Variants in SNX6 observed in about 807,000 individuals in gnomAD.
The protein encoded by SNX6 is sorting nexin-6.
A neutral mutation model predicts 63.0 loss-of-function variants in SNX6; 34 were observed. The ratio of observed to expected loss-of-function variants is 0.54; its 90% CI spans 0.41 to 0.72. SNX6 has a LOEUF of 0.72. Ranked by LOEUF, SNX6 falls within the 30% of genes least tolerant of loss-of-function variation. The pLI is 0.00. For synonymous variants in SNX6, 170 were observed against 164.2 expected (o/e 1.04, Z -0.27); for missense variants, 398 against 471.4 (o/e 0.84, Z 1.44).
intron 8 of SNX6, among the ~76,000 whole-genome samples, chr14:34,591,983 C>T (rs965940998): frequency 1.3e-5 from 2 of 152,144 alleles, no homozygotes; most frequent in Non-Finnish European, 2.9e-5. Context: ...TTTATGCATA[C>T]CTCCTATTTC....
At chr14:34,609,480 CA>C (rs398024759) in intron 3 of SNX6, among the ~76,000 whole-genome samples, 157 bp downstream of exon 3, 17,311 of 63,314 alleles carry the variant, frequency 0.27, 627 homozygotes, top group Middle Eastern at 0.46. Flanking sequence ...GACTCCGTCT[CA>C]AAAAAAAAAA....
At chr14:34,589,691 GTGACACACAC>G (rs1171707996) in intron 8 of SNX6, among the ~76,000 whole-genome samples, 1 of 151,968 alleles carries the variant, frequency 6.6e-6, no homozygotes, top group African/African-American at 2.4e-5. Flanking sequence ...GCCAGGCATG[GTGACACACAC>G]CTGTAATCCT....
At position 34,621,951 on chromosome 14, in the gene SNX6, CTTTTTTTTTTTTT is replaced by C. The variant is rs1037764907; in HGVS notation, c.54+7943_54+7955del. Among the ~76,000 whole-genome samples the C allele has an allele frequency of 4.4e-4, 34 of 77,408 alleles. 2 individuals are homozygous for C. In the Admixed American group the frequency reaches 5.6e-3, roughly 13 times the overall value. The allele number at this position is 77,408 out of a possible 152,430, so 50.8% of individuals were successfully genotyped here. On this transcript the variant is annotated intron_variant, in intron 2 of 13. Transcript: ENST00000362031. The stretch of plus-strand genomic sequence containing the variant: ...GTTTTTTCACCTGGGCATGTCTTTC[CTTTTTTTTTTTTT>C]TTTTTTTTTTTGAGATGGAGTTTCA...
chr14:34,604,459 A>T (rs1054269878), intron 5 of SNX6, among the ~76,000 whole-genome samples: 1 of 152,202 alleles, frequency 6.6e-6, no homozygotes, highest in Non-Finnish European at 1.5e-5. Flanking sequence ...AGCATCCTGA[A>T]GAGAAGTATA....
chr14:34,596,230 G>GA (rs1378537999), intron 7 of SNX6, among the ~76,000 whole-genome samples: 2 of 148,764 alleles, frequency 1.3e-5, no homozygotes, highest in Non-Finnish European at 3.0e-5. Flanking sequence ...AAAAAAAAAA[G>GA]AAAAAAGAAA....
At chr14:34,623,812 C>T (rs931000165) in intron 2 of SNX6, among the ~76,000 whole-genome samples, 2 of 152,094 alleles carry the variant, frequency 1.3e-5, no homozygotes, top group Non-Finnish European at 2.9e-5. Flanking sequence ...AGTTACTCCA[C>T]CTAAAGTAAT....
rs147928310 is a variant in SNX6 at position 34,608,834 on chromosome 14, C to T, written c.160-694G>A. 6.1e-3 allele frequency among the ~76,000 whole-genome samples: 922 copies of T among 151,450 alleles called. 5 individuals carry two copies. Among genetic ancestry groups the T allele is most frequent in the Middle Eastern group, 0.014 (4 of 290 alleles). On this transcript the variant is annotated intron_variant, in intron 3 of 13. Transcript: ENST00000362031. ...ACTTGAGGTCAGGAGTTCGAGACCA[C>T]CCTGATCAATAAGGTGAAACCCATC... is the stretch of plus-strand genomic sequence containing the variant.
chr14:34,569,099 G>A lies in SNX6; in HGVS notation c.922-1086C>T, dbSNP rs373286139. 216 of 975,948 alleles carry A rather than the reference G, an allele frequency of 2.2e-4. 3 individuals carry two copies. The South Asian group carries it at 2.7e-3, about 12-fold the overall frequency. The allele number at this position is 975,948 out of a possible 1,614,324, so 60.5% of individuals were successfully genotyped here. A position where few individuals can be genotyped will look rare whatever the true frequency, so the allele number is the denominator to read the frequency against. Reference sequence around the variant, plus strand: ...GCCAGAGCTCTGATGAACTCCTGCTGGTTCACATCTTTTACAGTAACTCCA... The same window carrying A: ...GCCAGAGCTCTGATGAACTCCTGCTAGTTCACATCTTTTACAGTAACTCCA... On this transcript the variant is annotated intron_variant, in intron 11 of 13. Transcript: ENST00000362031.
At chr14:34,610,941 T>C (rs1883203847) in intron 2 of SNX6, among the ~76,000 whole-genome samples, 1 of 152,132 alleles carries the variant, frequency 6.6e-6, no homozygotes, top group Admixed American at 6.6e-5. Context: ...TGAATGCAAA[T>C]ACAAAATTGT....
In SNX6 at chr14:34,581,905, TGTAA is replaced by T. The variant is rs546283498; in HGVS notation, c.795-309_795-306del. 7.9e-5 allele frequency among the ~76,000 whole-genome samples: 12 copies of T among 152,254 alleles called. No individual in the cohort carries two copies. In the South Asian group the frequency reaches 2.5e-3, roughly 32 times the overall value. On this transcript the variant is annotated intron_variant, in intron 9 of 13. Transcript: ENST00000362031. The stretch of plus-strand genomic sequence containing the variant: ...GTGCAACTGCGCAATCTCAGCTCAC[TGTAA>T]CCTCTGCCTCCCGAGTTCAAGCGAT...
intron 11 of SNX6, chr14:34,575,455 C>G (rs959277231): frequency 6.2e-6 from 1 of 160,430 alleles, no homozygotes; most frequent in African/African-American, 2.4e-5. Flanking sequence ...TGGCCTCGGC[C>G]TCCCCAAGTG....
intron 2 of SNX6, chr14:34,629,672 C>T: frequency 1.4e-6 from 1 of 728,648 alleles, no homozygotes; most frequent in Non-Finnish European, 2.4e-6. Flanking sequence ...CCAGAAGGCC[C>T]GAACAGCGGC....
chr14:34,599,793 C>A (rs1446875109), intron 6 of SNX6, among the ~76,000 whole-genome samples: 1 of 128,168 alleles, frequency 7.8e-6, no homozygotes, highest in Non-Finnish European at 1.7e-5. Flanking sequence ...AAAAAAAAAT[C>A]TGATCTCCAA....
At chr14:34,568,673 C>G (rs923537074) in intron 11 of SNX6, 1 of 874,624 alleles carries the variant, frequency 1.1e-6, no homozygotes, top group South Asian at 1.4e-5. Context: ...AATTTATTAA[C>G]CCAGCATGGT....
chr14:34,612,243 G>A (rs1883260679), intron 2 of SNX6, among the ~76,000 whole-genome samples: 1 of 152,106 alleles, frequency 6.6e-6, no homozygotes, highest in Non-Finnish European at 1.5e-5. Flanking sequence ...GCCAGGCCAG[G>A]CCACTTTTAA....
chr14:34,568,694 G>T, intron 11 of SNX6: 1 of 928,112 alleles, frequency 1.1e-6, no homozygotes, highest in Non-Finnish European at 1.8e-6. Flanking sequence ...TTGTTCTAAT[G>T]CTTCTTGTTG....
intron 10 of SNX6, among the ~76,000 whole-genome samples, chr14:34,580,215 C>CA (rs1460397646): frequency 6.6e-6 from 1 of 152,074 alleles, no homozygotes; most frequent in Non-Finnish European, 1.5e-5. Context: ...AAAAACAAAA[C>CA]AAAAAACCCA....
chr14:34,579,767 T>C (rs1179417435), intron 10 of SNX6, among the ~76,000 whole-genome samples: 2 of 150,102 alleles, frequency 1.3e-5, no homozygotes. Flanking sequence ...GCAGAATGAC[T>C]GCCTGAGGCC....
intron 13 of SNX6, among the ~76,000 whole-genome samples, chr14:34,566,489 C>T (rs889991594): frequency 3.3e-5 from 5 of 152,194 alleles, no homozygotes; most frequent in Non-Finnish European, 5.9e-5. Context: ...GTTGGGATTA[C>T]AGGCGTGAGC....
Sources: allele counts gnomAD v4.1 joint callset (sites outside exome capture counted in the v4.1 genomes callset), GRCh38; gene constraint gnomAD v4.1.1; transcripts MANE v1.5; gene names NCBI Gene and HGNC (gene_info 2026-07-23, HGNC 2026-07-21).